The following STARD8 variants were observed in gnomAD, a reference collection of about 807,000 sequenced individuals.
STARD8 encodes the protein stAR-related lipid transfer protein 8.
STARD8 carries 25 observed loss-of-function variants against 69.4 expected under a neutral mutation model. The ratio of observed to expected loss-of-function variants is 0.36; its 90% CI spans 0.26 to 0.50. The LOEUF (loss-of-function observed/expected upper bound fraction) is 0.50, where lower values mean the gene tolerates loss of function less well. Ranked by LOEUF, STARD8 falls within the 20% of genes least tolerant of loss-of-function variation. The pLI, the probability that STARD8 is intolerant of heterozygous loss-of-function variation, is 0.96. For synonymous variants in STARD8, 389 were observed against 374.6 expected (o/e 1.04, Z -0.45); for missense variants, 921 against 932.5 (o/e 0.99, Z 0.16).
chrX:68,665,267 C>A (rs1408789689), intron 1 of STARD8, among the ~76,000 whole-genome samples: 2 of 112,070 alleles, frequency 1.8e-5, no homozygotes, highest in East Asian at 5.7e-4. Flanking sequence ...TGAAGTGAAC[C>A]AGCAGGATCA....
chrX:68,650,909 A>T (rs1268982720), intron 1 of STARD8, among the ~76,000 whole-genome samples: 1 of 112,952 alleles, frequency 8.9e-6, no homozygotes, highest in Admixed American at 9.3e-5. Flanking sequence ...GTTTGCACGC[A>T]TTCACTTATG....
At chrX:68,695,972 T>A (rs1161548046) in intron 2 of STARD8, among the ~76,000 whole-genome samples, 2 of 112,005 alleles carry the variant, frequency 1.8e-5, no homozygotes, top group Non-Finnish European at 3.8e-5. Flanking sequence ...AGCTCCTTAT[T>A]TGAGCCATGG....
At position 68,722,127 on chromosome X, in the gene STARD8, C is replaced by T. The variant is rs780574035; in HGVS notation, c.2540C>T (p.Ser847Leu). ...SDNMAATQGL[S>L]HMISDCKKLF... ...AACATGGCAGCCACCCAGGGCCTGT[C>T]GCACATGATCAGTGACTGCAAGAAA... The change falls in exon 11 of 15, where the codon TCG (serine) becomes TTG (leucine). Residue 847 changes from serine to leucine, a missense_variant. Transcript: ENST00000374599. The T allele has an allele frequency of 6.1e-5, 74 of 1,204,959 alleles. No homozygotes were observed. The highest frequency in any genetic ancestry group is 8.8e-5 in the Admixed American group (4 of 45,648).
In STARD8 at chrX:68,722,560, C is replaced by T; in HGVS notation, c.2713C>T (p.Gln905Ter). 1 of 1,211,975 alleles carries T rather than the reference C, an allele frequency of 8.3e-7. No individual in the cohort carries two copies. Among genetic ancestry groups the T allele is most frequent in the Non-Finnish European group, 1.1e-6 (1 of 895,589 alleles). ...GAGCCTCTACATGGAAGAGAATATCCAGGACCTGCTGCGTGATGCTGCTGA... is the reference window on the plus strand; with the variant it reads ...GAGCCTCTACATGGAAGAGAATATCTAGGACCTGCTGCGTGATGCTGCTGA... ...SLSLYMEENIQDLLRDAAERF... is the reference protein window; with the variant it reads ...SLSLYMEENI The change falls in exon 12 of 15, where the codon CAG becomes TAG. Residue 905 changes from glutamine to a stop codon, truncating the protein, a stop_gained. Transcript: ENST00000374599. LOFTEE classifies it high-confidence loss of function.
rs970745166 is a variant in STARD8 at position 68,712,651 on chromosome X, G to C, written c.80-263G>C. ...GGGCAGGGGGTGGGAGAGTGGGAGG[G>C]GTTTGGAACAGGCAGGGAATGAGAC... On this transcript the variant is annotated intron_variant, in intron 2 of 14. Transcript: ENST00000374599. Among the ~76,000 whole-genome samples the C allele has an allele frequency of 3.6e-5, 4 of 111,419 alleles. No individual in the cohort carries two copies. In the Admixed American group the frequency reaches 3.8e-4, roughly 11 times the overall value.
intron 7 of STARD8, 24 bp downstream of exon 7, chrX:68,719,422 G>A (rs755604102): frequency 5.3e-6 from 6 of 1,138,768 alleles, no homozygotes; most frequent in Non-Finnish European, 7.0e-6. Flanking sequence ...GGGCCATGGA[G>A]GGTGGGGAAC....
At chrX:68,715,005 G>A (rs1020779380) in intron 3 of STARD8, among the ~76,000 whole-genome samples, 11 of 111,745 alleles carry the variant, frequency 9.8e-5, no homozygotes, top group Non-Finnish European at 9.4e-5. Context: ...GGGGGAGCCC[G>A]TGTTGGGCTC....
chrX:68,653,498 CACACACCAT>C (rs1569351360), intron 1 of STARD8, among the ~76,000 whole-genome samples: 2 of 60,601 alleles, frequency 3.3e-5, no homozygotes, highest in African/African-American at 6.2e-5. Context: ...ACACCCCTCA[CACACACCAT>C]ACACACCACA....
rs1428464757 is a variant in STARD8 at position 68,662,804 on chromosome X, C to T, written c.46-2695C>T. 3.6e-5 allele frequency among the ~76,000 whole-genome samples: 4 copies of T among 112,014 alleles called. No individual in the cohort carries two copies. In the South Asian group the frequency reaches 1.1e-3, roughly 32 times the overall value. ...AACAAATTACTCCCTCTGCTCAGTT[C>T]CACAAGGCTTTATACTTTCCAATAG... On this transcript the variant is annotated intron_variant, in intron 1 of 14. Transcript: ENST00000374599.
rs1171293461 is a variant in STARD8, at chrX:68,699,041, G to A, written c.80-13873G>A. On this transcript the variant is annotated intron_variant, in intron 2 of 14. Coordinates refer to ENST00000374599, the MANE Select transcript of STARD8 (RefSeq NM_001142503.3). Reference sequence around the variant, plus strand: ...CTCCTTGTGCTTGGGCATTTCTGCAGTTTGCTCTCTGGCCCCTCCCCAAGC... The same window carrying A: ...CTCCTTGTGCTTGGGCATTTCTGCAATTTGCTCTCTGGCCCCTCCCCAAGC... Among the ~76,000 whole-genome samples the A allele has an allele frequency of 1.2e-4, 14 of 112,069 alleles. 1 individual carries two copies. The Admixed American group carries it at 1.3e-3, about 11-fold the overall frequency.
chrX:68,701,830 A>C (rs1006211718), intron 2 of STARD8, among the ~76,000 whole-genome samples: 4 of 111,927 alleles, frequency 3.6e-5, no homozygotes, highest in Non-Finnish European at 7.5e-5. Flanking sequence ...ACCAGGTTGC[A>C]TTATTTAGAA....
At chrX:68,649,258 G>A (rs1371736355) in intron 1 of STARD8, among the ~76,000 whole-genome samples, 1 of 110,526 alleles carries the variant, frequency 9.0e-6, no homozygotes, top group African/African-American at 3.4e-5. Context: ...TTCCAGGCAT[G>A]CCTGGCAGAG....
At chrX:68,652,568 G>A (rs1169203419) in intron 1 of STARD8, among the ~76,000 whole-genome samples, 1 of 111,075 alleles carries the variant, frequency 9.0e-6, no homozygotes, top group African/African-American at 3.3e-5. Flanking sequence ...TCCCCTGGAG[G>A]CCAGTCAGGG....
At chrX:68,703,199 G>A (rs2079979270) in intron 2 of STARD8, among the ~76,000 whole-genome samples, 1 of 112,257 alleles carries the variant, frequency 8.9e-6, no homozygotes, top group Non-Finnish European at 1.9e-5. Flanking sequence ...GGTCGAGGCT[G>A]CAGTGAGCTG....
chrX:68,700,823 G>A (rs1281587579), intron 2 of STARD8, among the ~76,000 whole-genome samples: 1 of 112,495 alleles, frequency 8.9e-6, no homozygotes, highest in Non-Finnish European at 1.9e-5. Context: ...CATGTTCACA[G>A]TGCTGGGAGA....
In STARD8 at chrX:68,715,286, C is replaced by T; in HGVS notation, c.152-8C>T. ...CTGCACTCATCTTTGCTTCTCTCTG[C>T]CATACAGAAGGTTCGTTTCCCCTGG... On this transcript the variant is annotated splice_region_variant and splice_polypyrimidine_tract_variant and intron_variant, in intron 3 of 14. Transcript: ENST00000374599. The T allele has an allele frequency of 8.3e-7, 1 of 1,201,668 alleles. No homozygotes were observed. The highest frequency in any genetic ancestry group is 1.1e-6 in the Non-Finnish European group (1 of 889,091).
intron 3 of STARD8, among the ~76,000 whole-genome samples, chrX:68,714,395 T>A (rs759906954): frequency 3.6e-5 from 4 of 112,206 alleles, no homozygotes; most frequent in Non-Finnish European, 7.5e-5. Context: ...TGCCTGGAAC[T>A]CTCTCTGCAG....
intron 2 of STARD8, chrX:68,693,540 T>C: frequency 1.6e-6 from 1 of 608,850 alleles, no homozygotes; most frequent in African/African-American, 2.4e-5. Flanking sequence ...TTGGGTGACT[T>C]TCTGGCGAGT....
chrX:68,661,945 C>CCT (rs748990661), intron 1 of STARD8, among the ~76,000 whole-genome samples: 1,361 of 72,225 alleles, frequency 0.019, 33 homozygotes, highest in Non-Finnish European at 0.026. Flanking sequence ...CTCCCTCCTT[C>CCT]CTCTCTCTCT....
Sources: allele counts gnomAD v4.1 joint callset (sites outside exome capture counted in the v4.1 genomes callset), GRCh38; gene constraint gnomAD v4.1.1; transcripts MANE v1.5; gene names NCBI Gene and HGNC (gene_info 2026-07-23, HGNC 2026-07-21).